FRYL: variants seen among roughly 807,000 people sequenced by gnomAD.
FRYL encodes the protein protein furry homolog-like.
Under a neutral mutation model 351.2 loss-of-function variants are expected in FRYL, and 150 were observed. The observed-to-expected ratio is 0.43, with a 90% CI of 0.37 to 0.49. The LOEUF (loss-of-function observed/expected upper bound fraction) is 0.49. Ranked by LOEUF, FRYL falls within the 20% of genes least tolerant of loss-of-function variation. The pLI is 0.00. For synonymous variants in FRYL, 1,153 were observed against 1,257.1 expected, an observed-to-expected ratio of 0.92 and a Z score of 1.75; for missense variants, 3,036 against 3,619.3, an observed-to-expected ratio of 0.84 and a Z score of 4.13.
chr4:48,621,344 G>A (rs1750606180), intron 5 of FRYL, among the ~76,000 whole-genome samples: 1 of 152,140 alleles, frequency 6.6e-6, no homozygotes, highest in Admixed American at 6.6e-5. Context: ...TACATAAAAG[G>A]ACAACATAAA....
intron 3 of FRYL, among the ~76,000 whole-genome samples, chr4:48,673,335 G>GCT (rs1763021848): frequency 6.6e-6 from 1 of 151,824 alleles, no homozygotes; most frequent in Admixed American, 6.6e-5. Flanking sequence ...CACCAAAAAA[G>GCT]TACATGTTCT....
At chr4:48,674,357 C>T (rs1205280627) in intron 3 of FRYL, among the ~76,000 whole-genome samples, 2 of 151,994 alleles carry the variant, frequency 1.3e-5, no homozygotes, top group East Asian at 1.9e-4. Flanking sequence ...TCTACACACA[C>T]ACATACAAAA....
intron 3 of FRYL, among the ~76,000 whole-genome samples, chr4:48,681,342 T>C (rs1204507252): frequency 6.6e-6 from 1 of 152,180 alleles, no homozygotes; most frequent in Admixed American, 6.5e-5. Context: ...CAAACAGCTA[T>C]AGACCATGAA....
chr4:48,625,181 C>T (rs1301026312), intron 4 of FRYL, among the ~76,000 whole-genome samples: 2 of 152,190 alleles, frequency 1.3e-5, no homozygotes, highest in African/African-American at 4.8e-5. Context: ...CATACAAACA[C>T]ACACCCTATT....
intron 6 of FRYL, among the ~76,000 whole-genome samples, chr4:48,620,015 A>G (rs1750329403): frequency 6.6e-6 from 1 of 152,240 alleles, no homozygotes; most frequent in Non-Finnish European, 1.5e-5. Context: ...GAACTGAAAC[A>G]AAAGTATTAA....
chr4:48,728,562 A>G (rs1174579594), intron 1 of FRYL, among the ~76,000 whole-genome samples: 1 of 152,170 alleles, frequency 6.6e-6, no homozygotes, highest in African/African-American at 2.4e-5. Context: ...TGCTGAAAAA[A>G]CAAAAAAAGC....
intron 3 of FRYL, among the ~76,000 whole-genome samples, chr4:48,667,647 C>T (rs1233119168): frequency 1.3e-5 from 2 of 151,992 alleles, no homozygotes; most frequent in African/African-American, 4.8e-5. Flanking sequence ...TTCTTCAAAG[C>T]TTCCATTCTT....
chr4:48,684,449 GTATT>G (rs1764958890), intron 3 of FRYL, among the ~76,000 whole-genome samples: 1 of 152,138 alleles, frequency 6.6e-6, no homozygotes, highest in African/African-American at 2.4e-5. Context: ...TAATGAAACT[GTATT>G]TATTACTGAC....
chr4:48,661,932 A>AT (rs1225003851), intron 3 of FRYL, among the ~76,000 whole-genome samples: 1 of 152,232 alleles, frequency 6.6e-6, no homozygotes, highest in Non-Finnish European at 1.5e-5. Context: ...AAAACAATAA[A>AT]TTCACTATGT....
In FRYL at chr4:48,634,421, T is replaced by A; in HGVS notation, c.-11A>T. 1 of 1,613,324 alleles carries A rather than the reference T, an allele frequency of 6.2e-7. No homozygotes were observed. Among genetic ancestry groups the A allele is most frequent in the Non-Finnish European group, 8.5e-7 (1 of 1,179,438 alleles). ...CGTAATGTTTGACATGATGATATTTTTTTTTCCCCAAGTGGAATGAAAGTT... is the reference window on the plus strand; with the variant it reads ...CGTAATGTTTGACATGATGATATTTATTTTTCCCCAAGTGGAATGAAAGTT... On this transcript the variant is annotated 5_prime_UTR_variant, in exon 4 of 64. Coordinates refer to ENST00000358350, the MANE Select transcript of FRYL (RefSeq NM_015030.2).
At chr4:48,539,050 G>A (rs972348712) in intron 47 of FRYL, among the ~76,000 whole-genome samples, 6 of 152,076 alleles carry the variant, frequency 3.9e-5, no homozygotes, top group Non-Finnish European at 7.4e-5. Flanking sequence ...TTAAACAAAT[G>A]TTAACAGATG....
At chr4:48,581,298 A>C (rs1455909545) in intron 21 of FRYL, 122 bp downstream of exon 21, 26 of 777,382 alleles carry the variant, frequency 3.3e-5, no homozygotes, top group Non-Finnish European at 5.2e-5. Flanking sequence ...CGGCCTCCCA[A>C]TTGAGAACGG....
chr4:48,663,157 T>C (rs1312485547), intron 3 of FRYL, among the ~76,000 whole-genome samples: 1 of 151,992 alleles, frequency 6.6e-6, no homozygotes, highest in East Asian at 1.9e-4. Context: ...TTTGGGTTTA[T>C]AATATATGTA....
At position 48,602,066 on chromosome 4, in the gene FRYL, A is replaced by T. The variant is rs1304938268; in HGVS notation, c.989T>A (p.Leu330Ter). Residue 330 changes from leucine to a stop codon, truncating the protein, a stop_gained, in exon 13 of 64, where the codon TTA (leucine) becomes TAA (stop). Transcript: ENST00000358350. LOFTEE classifies it high-confidence loss of function. ...LLCVSQKQFF[L>*]NNWHIFLQNC... ...CTGTAGGAAAATATGCCAGTTATTT[A>T]AAAAAAATTGTTTCTGACTGACACA... 6.3e-7 allele frequency: 1 copy of T among 1,591,958 alleles called. No homozygotes were observed. The highest frequency in any genetic ancestry group is 8.6e-7 in the Non-Finnish European group (1 of 1,161,316).
intron 3 of FRYL, among the ~76,000 whole-genome samples, chr4:48,635,330 G>T (rs183599813): frequency 2.0e-4 from 31 of 152,294 alleles, no homozygotes; most frequent in African/African-American, 6.7e-4. Context: ...ACCCAGGGAA[G>T]CCATTACAGA....
At chr4:48,531,553 T>A (rs1471378875) in intron 49 of FRYL, among the ~76,000 whole-genome samples, 200 bp from the exon 50 acceptor site, 1 of 152,244 alleles carries the variant, frequency 6.6e-6, no homozygotes, top group African/African-American at 2.4e-5. Flanking sequence ...ATTTATCAGA[T>A]ACCATATGTG....
chr4:48,512,997 T>G (rs1368792783), intron 56 of FRYL, among the ~76,000 whole-genome samples: 3 of 152,138 alleles, frequency 2.0e-5, no homozygotes, highest in African/African-American at 7.2e-5. Context: ...ATTAGAATGC[T>G]TTCATTTTCA....
At chr4:48,634,807 T>A (rs1355970446) in intron 3 of FRYL, among the ~76,000 whole-genome samples, 1 of 152,110 alleles carries the variant, frequency 6.6e-6, no homozygotes, top group Non-Finnish European at 1.5e-5. Flanking sequence ...ATAGATTAGG[T>A]GCACAGTATT....
rs994597553 is a variant in FRYL at position 48,497,769 on chromosome 4, T to C, written c.*1653A>G. 4 of 152,520 alleles carry C rather than the reference T, an allele frequency of 2.6e-5. No individual in the cohort carries two copies. The highest frequency in any genetic ancestry group is 4.4e-5 in the Non-Finnish European group (3 of 68,006). 9.4% of individuals were successfully genotyped at this position (152,520 alleles called of 1,614,324 possible). ...ATCAAAATAATTGTCTTTATCAGGGTCAAAAAATACAGTGATTATGAATGA... is the reference window on the plus strand; with the variant it reads ...ATCAAAATAATTGTCTTTATCAGGGCCAAAAAATACAGTGATTATGAATGA... On this transcript the variant is annotated 3_prime_UTR_variant, in exon 64 of 64. Coordinates refer to ENST00000358350, the MANE Select transcript of FRYL (RefSeq NM_015030.2).
Sources: allele counts gnomAD v4.1 joint callset (sites outside exome capture counted in the v4.1 genomes callset), GRCh38; gene constraint gnomAD v4.1.1; transcripts MANE v1.5; gene names NCBI Gene and HGNC (gene_info 2026-07-23, HGNC 2026-07-21).